AFTPH: variants seen among roughly 807,000 people sequenced by gnomAD.
AFTPH encodes aftiphilin protein.
AFTPH carries 7 observed loss-of-function variants against 72.5 expected under a neutral mutation model. The observed-to-expected ratio is 0.10, with a 90% CI of 0.05 to 0.18. AFTPH has a LOEUF of 0.18. Among genes scored for constraint, AFTPH ranks in the 10% least tolerant of loss-of-function variants. The pLI is 1.00. For synonymous variants in AFTPH, 337 were observed against 370.1 expected, an observed-to-expected ratio of 0.91 and a Z score of 1.03; for missense variants, 979 against 1,060.5, an observed-to-expected ratio of 0.92 and a Z score of 1.07.
chr2:64,586,112 G>C (rs1452328022), intron 8 of AFTPH, among the ~76,000 whole-genome samples: 2 of 152,132 alleles, frequency 1.3e-5, no homozygotes, highest in Non-Finnish European at 2.9e-5. Context: ...AATGTCACTC[G>C]GGCCATGTGT....
chr2:64,524,766 G>C (rs1371086806), intron 1 of AFTPH, among the ~76,000 whole-genome samples, 154 bp downstream of exon 1: 1 of 152,220 alleles, frequency 6.6e-6, no homozygotes, highest in African/African-American at 2.4e-5. Flanking sequence ...GCGGGCCTGC[G>C]GGCTCCCGGC....
At chr2:64,563,891 C>T (rs1671891915) in intron 2 of AFTPH, among the ~76,000 whole-genome samples, 1 of 152,188 alleles carries the variant, frequency 6.6e-6, no homozygotes, top group African/African-American at 2.4e-5. Flanking sequence ...CAGGCATGAG[C>T]CACCGCGCCC....
At chr2:64,526,414 C>G (rs1002880724) in intron 1 of AFTPH, among the ~76,000 whole-genome samples, 1 of 152,114 alleles carries the variant, frequency 6.6e-6, no homozygotes, top group African/African-American at 2.4e-5. Flanking sequence ...CAACCCTTCC[C>G]CCAAATCTCA....
intron 2 of AFTPH, among the ~76,000 whole-genome samples, chr2:64,562,106 A>C (rs901397615): frequency 4.6e-4 from 70 of 152,170 alleles, no homozygotes; most frequent in African/African-American, 1.6e-3. Context: ...TTCATCTGTA[A>C]TATGAAGACA....
chr2:64,532,896 C>T (rs1325108830), intron 1 of AFTPH, among the ~76,000 whole-genome samples: 1 of 152,082 alleles, frequency 6.6e-6, no homozygotes, highest in African/African-American at 2.4e-5. Context: ...TTGTAGCCCA[C>T]TTTGTGTAAA....
chr2:64,524,780 G>C (rs1450258014), intron 1 of AFTPH, among the ~76,000 whole-genome samples, 168 bp downstream of exon 1: 1 of 152,242 alleles, frequency 6.6e-6, no homozygotes, highest in Non-Finnish European at 1.5e-5. Flanking sequence ...TCCCGGCTCT[G>C]CTCTCTTCTG....
intron 4 of AFTPH, 35 bp downstream of exon 4, chr2:64,569,253 C>T (rs1487917617): frequency 6.3e-7 from 1 of 1,587,588 alleles, no homozygotes; most frequent in East Asian, 2.2e-5. Flanking sequence ...ATCTTTTAAT[C>T]AACCTGTGGA....
intron 1 of AFTPH, among the ~76,000 whole-genome samples, chr2:64,539,702 A>G (rs17029091): frequency 0.05 from 7,673 of 152,268 alleles, 445 homozygotes; most frequent in African/African-American, 0.14. Flanking sequence ...TGAGGATGCA[A>G]TGGTAAACAA....
chr2:64,525,142 C>T (rs1249504421), intron 1 of AFTPH, among the ~76,000 whole-genome samples: 1 of 152,206 alleles, frequency 6.6e-6, no homozygotes, highest in Non-Finnish European at 1.5e-5. Flanking sequence ...GGGGACAGCC[C>T]CAAAGCTCAC....
At chr2:64,545,572 A>G in intron 1 of AFTPH, among the ~76,000 whole-genome samples, 1 of 36,584 alleles carries the variant, frequency 2.7e-5, no homozygotes, top group Non-Finnish European at 4.4e-5. Flanking sequence ...ACCAGCAGTA[A>G]AAAAAAAAAA....
chr2:64,552,848 T>C, exon 2 of AFTPH: 2 of 1,614,212 alleles, frequency 1.2e-6, no homozygotes, highest in Non-Finnish European at 1.7e-6. Context: ...CAATGAGTGA[T>C]GCCACTTTTG....
chr2:64,569,193 C>T, exon 4 of AFTPH: 1 of 1,613,796 alleles, frequency 6.2e-7, no homozygotes, highest in Non-Finnish European at 8.5e-7. Flanking sequence ...CTTTTGTCCT[C>T]CTTGGGAATA....
chr2:64,548,119 C>T lies in AFTPH; in HGVS notation c.-32-3324C>T, dbSNP rs528826034. 5.7e-3 allele frequency among the ~76,000 whole-genome samples: 781 copies of T among 137,340 alleles called. 11 individuals are homozygous for T. The highest frequency in any genetic ancestry group is 0.019 in the African/African-American group (747 of 39,312). 90.1% of individuals were successfully genotyped at this position (137,340 alleles called of 152,430 possible). On this transcript the variant is annotated intron_variant, in intron 1 of 8. Coordinates refer to ENST00000238856, the Ensembl canonical transcript of AFTPH. ...TTTAAACTTTAGAAAAAGGGCCGGG[C>T]GCGGTGGCTCACGCCTGTAATCCCA...
At chr2:64,576,160 T>TATTTACATATACATATATATATATAAC (rs1491161333) in intron 6 of AFTPH, among the ~76,000 whole-genome samples, 1 of 148,322 alleles carries the variant, frequency 6.7e-6, no homozygotes, top group Non-Finnish European at 1.5e-5. Context: ...TGTGTGTATG[T>TATTTACATATACATATATATATATAAC]ATATATATAT....
chr2:64,572,948 T>C (rs971304817), exon 6 of AFTPH: 3 of 1,613,908 alleles, frequency 1.9e-6, no homozygotes, highest in African/African-American at 1.3e-5. Flanking sequence ...TTTTTCAGGG[T>C]ATGTTAGAGC....
intron 6 of AFTPH, among the ~76,000 whole-genome samples, chr2:64,577,984 C>T (rs777753417): frequency 6.6e-6 from 1 of 152,214 alleles, no homozygotes; most frequent in Non-Finnish European, 1.5e-5. Flanking sequence ...TCTTCCACCA[C>T]CACCATTAAG....
chr2:64,539,143 G>C (rs1486202339), intron 1 of AFTPH, among the ~76,000 whole-genome samples: 2 of 152,128 alleles, frequency 1.3e-5, no homozygotes, highest in South Asian at 4.1e-4. Context: ...CATGTCTGCT[G>C]TTCATGTCAG....
chr2:64,586,342 T>C (rs907731829), intron 8 of AFTPH, among the ~76,000 whole-genome samples: 7 of 152,206 alleles, frequency 4.6e-5, no homozygotes, highest in African/African-American at 1.7e-4. Flanking sequence ...TATTTACCTA[T>C]TAGTTGCCTA....
At chr2:64,555,989 C>CTT (rs774669104) in intron 2 of AFTPH, among the ~76,000 whole-genome samples, 1,541 of 134,106 alleles carry the variant, frequency 0.011, 94 homozygotes, top group African/African-American at 0.044. Context: ...GAATTCCTCA[C>CTT]TTTTTTTTTT....
Sources: gnomAD v4.1 joint callset for allele counts (sites outside exome capture counted in the v4.1 genomes callset) on GRCh38, gnomAD v4.1.1 for gene constraint, MANE v1.5 for transcripts, NCBI Gene and HGNC (gene_info 2026-07-23, HGNC 2026-07-21) for gene names.